The following PXDNL variants were observed in gnomAD, a reference collection of about 807,000 sequenced individuals.
PXDNL encodes probable oxidoreductase PXDNL.
A neutral mutation model predicts 150.8 loss-of-function variants in PXDNL; 145 were observed. That is an observed-to-expected ratio of 0.96 (90% CI 0.84 to 1.10). The LOEUF (loss-of-function observed/expected upper bound fraction) is 1.10. Ranked by LOEUF, PXDNL falls within the 50% of genes least tolerant of loss-of-function variation. PXDNL has a pLI of 0.00. For missense variants in PXDNL, 2,087 were observed against 1,873.9 expected (o/e 1.11, Z -2.10); for synonymous variants, 757 against 725.7 (o/e 1.04, Z -0.69).
chr8:51,593,655 A>G (rs910485475), intron 2 of PXDNL, among the ~76,000 whole-genome samples: 2 of 152,200 alleles, frequency 1.3e-5, no homozygotes, highest in Non-Finnish European at 2.9e-5. Flanking sequence ...CAGGCAGCCT[A>G]GAGATCCCCA....
intron 1 of PXDNL, among the ~76,000 whole-genome samples, chr8:51,685,633 T>C (rs142441694): frequency 3.9e-5 from 6 of 152,336 alleles, no homozygotes; most frequent in African/African-American, 1.4e-4. Context: ...TTTACCTACA[T>C]ACACACATAC....
At chr8:51,496,568 C>CTTG (rs1339123202) in intron 5 of PXDNL, among the ~76,000 whole-genome samples, 1 of 152,152 alleles carries the variant, frequency 6.6e-6, no homozygotes, top group African/African-American at 2.4e-5. Context: ...AGCTGATAGG[C>CTTG]AACTTCAGCA....
At chr8:51,466,900 T>C (rs1217286811) in intron 8 of PXDNL, among the ~76,000 whole-genome samples, 1 of 152,022 alleles carries the variant, frequency 6.6e-6, no homozygotes, top group African/African-American at 2.4e-5. Context: ...AAATAACAGG[T>C]CTTGTTGGGG....
intron 12 of PXDNL, 37 bp from the exon 13 acceptor site, chr8:51,426,795 A>G (rs1356236896): frequency 1.1e-5 from 13 of 1,226,812 alleles, no homozygotes; most frequent in South Asian, 1.3e-5. Flanking sequence ...ATGTCAAATA[A>G]TATCATTTTT....
At chr8:51,708,467 G>A (rs1816428282) in intron 1 of PXDNL, among the ~76,000 whole-genome samples, 1 of 152,222 alleles carries the variant, frequency 6.6e-6, no homozygotes, top group African/African-American at 2.4e-5. Flanking sequence ...GAAGAATAAT[G>A]TAAAAGAAAC....
intron 3 of PXDNL, among the ~76,000 whole-genome samples, chr8:51,571,265 C>T (rs539430737): frequency 3.3e-5 from 5 of 151,804 alleles, no homozygotes; most frequent in South Asian, 4.1e-4. Context: ...ATTTTTGATT[C>T]GACATTTATT....
Position 51,323,848 on chromosome 8 carries a change from A to ACG in PXDNL, c.4147-2952_4147-2951insCG, listed in dbSNP as rs1563357263. On this transcript the variant is annotated intron_variant, in intron 21 of 22. Coordinates refer to ENST00000356297, the MANE Select transcript of PXDNL (RefSeq NM_144651.5). ...GGATAATCATTTGAACCCAAGAGGTAGAAGTTGCAGTGAGCCAAGATCATG... is the reference window on the plus strand; with the variant it reads ...GGATAATCATTTGAACCCAAGAGGTACGGAAGTTGCAGTGAGCCAAGATCATG... Among the ~76,000 whole-genome samples, 55 of 151,286 alleles carry ACG rather than the reference A, an allele frequency of 3.6e-4. 1 individual carries two copies. The highest frequency in any genetic ancestry group is 1.2e-3 in the African/African-American group (49 of 41,008).
At chr8:51,711,584 A>G (rs73580289) in intron 1 of PXDNL, among the ~76,000 whole-genome samples, 5,687 of 152,348 alleles carry the variant, frequency 0.037, 339 homozygotes, top group African/African-American at 0.12. Flanking sequence ...GAAATAATAC[A>G]TGGTTGGGAA....
At chr8:51,555,829 G>A (rs1346480254) in intron 4 of PXDNL, among the ~76,000 whole-genome samples, 2 of 152,258 alleles carry the variant, frequency 1.3e-5, no homozygotes, top group East Asian at 3.9e-4. Flanking sequence ...TCAAATTGCA[G>A]TTTAGTAGCA....
At chr8:51,508,562 A>G (rs1318142) in intron 4 of PXDNL, among the ~76,000 whole-genome samples, 148,672 of 152,260 alleles carry the variant, frequency 0.98, 72,668 homozygotes, top group East Asian at 1. Context: ...GCCCTTCACT[A>G]CTTCCTTCTC....
chr8:51,385,347 A>T (rs774311599), intron 17 of PXDNL, among the ~76,000 whole-genome samples: 3 of 151,978 alleles, frequency 2.0e-5, no homozygotes, highest in Non-Finnish European at 4.4e-5. Flanking sequence ...AAAAAAAAAC[A>T]CTTTCCACTG....
chr8:51,808,169 C>T (rs1397091887), intron 1 of PXDNL, among the ~76,000 whole-genome samples: 2 of 152,170 alleles, frequency 1.3e-5, no homozygotes, highest in African/African-American at 2.4e-5. Context: ...TCCTCTTAAA[C>T]ATTTATATCT....
Position 51,423,699 on chromosome 8 carries a change from G to T in PXDNL, c.1671C>A (p.Phe557Leu), listed in dbSNP as rs753025646. 2.2e-5 allele frequency: 35 copies of T among 1,613,560 alleles called. No individual in the cohort carries two copies. In the East Asian group the frequency reaches 6.2e-4, roughly 29 times the overall value. The change falls in exon 14 of 23, where the codon TTC becomes TTA. Residue 557 changes from phenylalanine (F) to leucine (L), a missense_variant. Phe to Leu is a conservative substitution (Grantham distance 22, BLOSUM62 0). Transcript: ENST00000356297. ...EGVQITESGK[F>L]HVDDEGTLTI... ...TCAGCGTGCCTTCATCATCCACATGGAATTTACCACTCTCAGTAATCTGCA... is the reference window on the plus strand; with the variant it reads ...TCAGCGTGCCTTCATCATCCACATGTAATTTACCACTCTCAGTAATCTGCA...
chr8:51,594,059 A>G (rs918589173), intron 2 of PXDNL, among the ~76,000 whole-genome samples: 1 of 152,192 alleles, frequency 6.6e-6, no homozygotes, highest in Non-Finnish European at 1.5e-5. Flanking sequence ...CAATTAATGC[A>G]CTTCTGTTAG....
At chr8:51,568,454 T>C (rs1236586123) in intron 3 of PXDNL, among the ~76,000 whole-genome samples, 4 of 151,928 alleles carry the variant, frequency 2.6e-5, no homozygotes, top group Non-Finnish European at 1.5e-5. Context: ...CTTACATGTT[T>C]TCTGAGAAGT....
intron 20 of PXDNL, among the ~76,000 whole-genome samples, chr8:51,341,143 T>C (rs910880173): frequency 3.3e-5 from 5 of 152,184 alleles, no homozygotes; most frequent in Non-Finnish European, 5.9e-5. Flanking sequence ...GGTGCTGCCG[T>C]TAGGCTCCTC....
intron 12 of PXDNL, chr8:51,436,547 C>A: frequency 4.1e-6 from 1 of 244,820 alleles, no homozygotes; most frequent in Non-Finnish European, 8.5e-6. Flanking sequence ...TGAAAATCAA[C>A]TCCAAAAGGA....
intron 17 of PXDNL, among the ~76,000 whole-genome samples, chr8:51,397,166 T>G: frequency 6.6e-6 from 1 of 152,260 alleles, no homozygotes; most frequent in Non-Finnish European, 1.5e-5. Flanking sequence ...CTGCGGACCA[T>G]TCTTGTACTT....
intron 1 of PXDNL, among the ~76,000 whole-genome samples, chr8:51,658,256 C>T (rs114033425): frequency 5.4e-5 from 8 of 148,922 alleles, no homozygotes; most frequent in Admixed American, 4.8e-4. Context: ...GTGGGAAGAT[C>T]GCTTGGGCCC....
Sources: gnomAD v4.1 joint callset for allele counts (sites outside exome capture counted in the v4.1 genomes callset) on GRCh38, gnomAD v4.1.1 for gene constraint, MANE v1.5 for transcripts, NCBI Gene and HGNC (gene_info 2026-07-23, HGNC 2026-07-21) for gene names.